RPS6KA5: variants seen among roughly 807,000 people sequenced by gnomAD.
RPS6KA5 encodes ribosomal protein S6 kinase A5, also known as ribosomal protein S6 kinase alpha-5.
In RPS6KA5, 27 loss-of-function variants were observed where a neutral mutation model predicts 85.5. The observed-to-expected ratio is 0.32, with a 90% CI of 0.23 to 0.44. The LOEUF is 0.44. RPS6KA5 is among the 20% of genes least tolerant of loss of function. The pLI, the probability that RPS6KA5 is intolerant of heterozygous loss-of-function variation, is 1.00. For missense variants in RPS6KA5, 811 were observed against 980.9 expected, an observed-to-expected ratio of 0.83 and a Z score of 2.31; for synonymous variants, 334 against 348.2, an observed-to-expected ratio of 0.96 and a Z score of 0.46.
At chr14:91,009,775 C>A (rs2041180177) in intron 1 of RPS6KA5, among the ~76,000 whole-genome samples, 1 of 152,170 alleles carries the variant, frequency 6.6e-6, no homozygotes, top group Non-Finnish European at 1.5e-5. Context: ...AGACATCATG[C>A]ACAGAGTTAC....
At chr14:91,021,254 T>C (rs9944098) in intron 1 of RPS6KA5, among the ~76,000 whole-genome samples, 80,795 of 151,986 alleles carry the variant, frequency 0.53, 21,511 homozygotes, top group East Asian at 0.56. Context: ...TCAGTCAGCA[T>C]TGCACCACAG....
intron 6 of RPS6KA5, among the ~76,000 whole-genome samples, chr14:90,920,574 A>T (rs1159349260): frequency 2.0e-5 from 3 of 151,928 alleles, no homozygotes; most frequent in African/African-American, 7.2e-5. Context: ...AACTTTATAT[A>T]AATTTTTAAA....
At chr14:91,035,396 G>A (rs565335276) in intron 1 of RPS6KA5, among the ~76,000 whole-genome samples, 47 of 152,214 alleles carry the variant, frequency 3.1e-4, no homozygotes, top group African/African-American at 1.1e-3. Flanking sequence ...GAGTAGGGGG[G>A]CATGGACTTA....
intron 1 of RPS6KA5, among the ~76,000 whole-genome samples, chr14:91,049,985 T>C (rs1054369650): frequency 1.3e-5 from 2 of 152,252 alleles, no homozygotes; most frequent in African/African-American, 4.8e-5. Context: ...CAGTCTGCCA[T>C]TGACCAAAAT....
chr14:91,004,014 G>C (rs1341929064), intron 1 of RPS6KA5, among the ~76,000 whole-genome samples: 1 of 152,182 alleles, frequency 6.6e-6, no homozygotes, highest in Non-Finnish European at 1.5e-5. Flanking sequence ...TTTCAGTTTG[G>C]GGTACAGAAC....
chr14:90,900,611 C>T lies in RPS6KA5; in HGVS notation c.1245G>A (p.Lys415=), dbSNP rs893531545. The T allele has an allele frequency of 8.1e-6, 13 of 1,612,820 alleles. No individual in the cohort carries two copies. The South Asian group carries it at 1.1e-4, about 14-fold the overall frequency. ...CATATAAGTTACCACATCTATATAC[C>T]TTCATCATTGCACTCCTGGCAACAT... The part of the protein sequence containing the change: ...VTNVARSAMM[K]DSPFYQHYDL... Residue 415 remains lysine, a splice_region_variant and synonymous_variant, in exon 10 of 17, where the codon AAG becomes AAA. Transcript: ENST00000614987.
intron 3 of RPS6KA5, among the ~76,000 whole-genome samples, chr14:90,955,951 ACT>A (rs1383624300): frequency 1.3e-5 from 2 of 152,208 alleles, no homozygotes; most frequent in Admixed American, 1.3e-4. Context: ...TTCTGCATCC[ACT>A]GATTCAACCA....
At chr14:91,053,445 T>A (rs772813946) in intron 1 of RPS6KA5, among the ~76,000 whole-genome samples, 6 of 152,154 alleles carry the variant, frequency 3.9e-5, no homozygotes, top group Non-Finnish European at 8.8e-5. Flanking sequence ...CACAATCTTA[T>A]AAATAGAAAA....
At chr14:90,967,152 C>T (rs996222815) in intron 3 of RPS6KA5, among the ~76,000 whole-genome samples, 2 of 152,134 alleles carry the variant, frequency 1.3e-5, no homozygotes, top group Admixed American at 6.5e-5. Flanking sequence ...ACTTACAGTC[C>T]ATACAATGGA....
At chr14:90,968,484 A>G (rs1353433744) in intron 3 of RPS6KA5, among the ~76,000 whole-genome samples, 1 of 152,188 alleles carries the variant, frequency 6.6e-6, no homozygotes, top group Non-Finnish European at 1.5e-5. Context: ...GAATGTGGGC[A>G]TCTCTGGGAG....
At chr14:91,029,530 T>C (rs1238007682) in intron 1 of RPS6KA5, among the ~76,000 whole-genome samples, 1 of 152,224 alleles carries the variant, frequency 6.6e-6, no homozygotes, top group East Asian at 1.9e-4. Flanking sequence ...AAAACAGTAG[T>C]GGCTTAGAGT....
intron 3 of RPS6KA5, among the ~76,000 whole-genome samples, chr14:90,953,540 G>A (rs1305538801): frequency 6.6e-6 from 1 of 152,196 alleles, no homozygotes; most frequent in African/African-American, 2.4e-5. Context: ...TGCCTGCAGG[G>A]TTGGGCAAAA....
At chr14:90,885,362 GC>G (rs1362249966) in intron 14 of RPS6KA5, among the ~76,000 whole-genome samples, 1 of 151,202 alleles carries the variant, frequency 6.6e-6, no homozygotes, top group Non-Finnish European at 1.5e-5. Flanking sequence ...AGGCATCCTG[GC>G]CAACATGGTG....
At chr14:90,918,730 A>G (rs2036249030) in intron 7 of RPS6KA5, among the ~76,000 whole-genome samples, 1 of 152,138 alleles carries the variant, frequency 6.6e-6, no homozygotes, top group Non-Finnish European at 1.5e-5. Flanking sequence ...ACTTTTTTCC[A>G]TCTGGATAGC....
At chr14:90,918,590 T>C (rs1318918963) in intron 7 of RPS6KA5, among the ~76,000 whole-genome samples, 3 of 152,236 alleles carry the variant, frequency 2.0e-5, no homozygotes. Context: ...AATCTTTACC[T>C]AAACCAAGCT....
rs8018964 is a variant in RPS6KA5 at position 90,861,516 on chromosome 14, T to C, written c.*10558A>G. On this transcript the variant is annotated 3_prime_UTR_variant, in exon 17 of 17. Transcript: ENST00000614987. ...CAGCCTGGGCGACAGAGCGAGACTC[T>C]GTCTCAAAAAAAAAAAAATAATGTC... The C allele has an allele frequency of 0.61, 89,392 of 146,496 alleles. 27,545 individuals are homozygous for C. Among genetic ancestry groups the C allele is most frequent in the African/African-American group, 0.7 (27,907 of 39,890 alleles). 9.1% of individuals were successfully genotyped at this position (146,496 alleles called of 1,614,324 possible). A position where few individuals can be genotyped will look rare whatever the true frequency, so the allele number is the denominator to read the frequency against.
intron 11 of RPS6KA5, 89 bp from the exon 12 acceptor site, chr14:90,899,511 A>T (rs2035039199): frequency 4.8e-6 from 4 of 832,924 alleles, no homozygotes; most frequent in Non-Finnish European, 8.1e-6. Context: ...TCTTATTTAC[A>T]GTGCATTCAG....
rs1220732071 is a variant in RPS6KA5, at chr14:90,860,769, A to C, written c.*11305T>G. On this transcript the variant is annotated 3_prime_UTR_variant, in exon 17 of 17. Coordinates refer to ENST00000614987, the MANE Select transcript of RPS6KA5 (RefSeq NM_004755.4). ...TTGTCAGAAGACTGGCACTAAAATA[A>C]ATACTAAAGAGAATTCTCCAGATGA... 6.6e-6 allele frequency: 1 copy of C among 152,186 alleles called. No individual in the cohort carries two copies. Among genetic ancestry groups the C allele is most frequent in the Non-Finnish European group, 1.5e-5 (1 of 68,036 alleles). The allele number at this position is 152,186 out of a possible 1,614,324, so 9.4% of individuals were successfully genotyped here.
intron 6 of RPS6KA5, 21 bp from the exon 7 acceptor site, chr14:90,920,330 C>A: frequency 7.1e-7 from 1 of 1,414,570 alleles, no homozygotes; most frequent in South Asian, 1.2e-5. Context: ...ACAATAATTT[C>A]ATTTTATAGA....
Sources: gnomAD v4.1 joint callset for allele counts (sites outside exome capture counted in the v4.1 genomes callset) on GRCh38, gnomAD v4.1.1 for gene constraint, MANE v1.5 for transcripts, NCBI Gene and HGNC (gene_info 2026-07-23, HGNC 2026-07-21) for gene names.